The following SNX6 variants were observed in gnomAD, a reference collection of about 807,000 sequenced individuals.
The protein encoded by SNX6 is sorting nexin 6.
Under a neutral mutation model 63.0 loss-of-function variants are expected in SNX6, and 34 were observed. That is an observed-to-expected ratio of 0.54 (90% CI 0.41 to 0.72). The LOEUF is 0.72. Among genes scored for constraint, SNX6 ranks in the 30% least tolerant of loss-of-function variants. The pLI is 0.00. For synonymous variants in SNX6, 170 were observed against 164.2 expected (o/e 1.04, Z -0.27); for missense variants, 398 against 471.4 (o/e 0.84, Z 1.44).
intron 10 of SNX6, among the ~76,000 whole-genome samples, chr14:34,578,937 C>CAAAAAAAAAAAAAAAAAAAAAAA (rs71121210): frequency 1.3e-4 from 3 of 22,542 alleles, no homozygotes; most frequent in Non-Finnish European, 2.8e-4. Flanking sequence ...GACTTCATCT[C>CAAAAAAAAAAAAAAAAAAAAAAA]AAAAAAAAAA....
intron 2 of SNX6, among the ~76,000 whole-genome samples, chr14:34,620,911 C>A (rs189361762): frequency 6.6e-6 from 1 of 151,888 alleles, no homozygotes; most frequent in Non-Finnish European, 1.5e-5. Context: ...CACTGCACTC[C>A]AACCTGGGTG....
chr14:34,577,328 A>T (rs535450142), intron 10 of SNX6, among the ~76,000 whole-genome samples: 2 of 151,964 alleles, frequency 1.3e-5, no homozygotes, highest in African/African-American at 4.8e-5. Context: ...ACCTCAGGTG[A>T]CCCACCCACC....
At chr14:34,579,680 A>G (rs912963665) in intron 10 of SNX6, among the ~76,000 whole-genome samples, 7 of 152,094 alleles carry the variant, frequency 4.6e-5, no homozygotes, top group African/African-American at 1.2e-4. Context: ...AATGTTGAGT[A>G]CAAGAAACAG....
chr14:34,568,471 C>T (rs763357395), intron 11 of SNX6, among the ~76,000 whole-genome samples: 9 of 151,856 alleles, frequency 5.9e-5, no homozygotes, highest in Non-Finnish European at 1.2e-4. Context: ...CCTCGTGATC[C>T]ACCCGCCTCG....
chr14:34,578,817 T>C (rs1357801167), intron 10 of SNX6, among the ~76,000 whole-genome samples: 1 of 150,516 alleles, frequency 6.6e-6, no homozygotes, highest in Non-Finnish European at 1.5e-5. Context: ...CGTGCACCTG[T>C]AGTCCCAGCT....
At chr14:34,627,810 T>C (rs1165886383) in intron 2 of SNX6, among the ~76,000 whole-genome samples, 1 of 151,046 alleles carries the variant, frequency 6.6e-6, no homozygotes, top group Non-Finnish European at 1.5e-5. Flanking sequence ...TAGGTACAGA[T>C]GAGGTCTTGC....
At position 34,562,998 on chromosome 14, in the gene SNX6, T is replaced by G. The variant is rs558217858; in HGVS notation, c.*124A>C. On this transcript the variant is annotated 3_prime_UTR_variant, in exon 14 of 14. Coordinates refer to ENST00000362031, the MANE Select transcript of SNX6 (RefSeq NM_152233.4). ...TCCATGTTTCTCAGAAAAAGAGGAG[T>G]TGATGCACTTTTTCAGCTGCTTTTT... 1.3e-5 allele frequency: 12 copies of G among 917,590 alleles called. No homozygotes were observed. The highest frequency in any genetic ancestry group is 2.1e-5 in the Non-Finnish European group (12 of 582,954). 56.8% of individuals were successfully genotyped at this position (917,590 alleles called of 1,614,324 possible).
Position 34,609,691 on chromosome 14 carries a change from T to C in SNX6, c.106A>G (p.Ile36Val), listed in dbSNP as rs769251876. Residue 36 changes from isoleucine (I) to valine (V), a missense_variant, in exon 3 of 14, where the codon ATT becomes GTT. Ile to Val is a conservative substitution (Grantham distance 29). Coordinates refer to ENST00000362031, the MANE Select transcript of SNX6 (RefSeq NM_152233.4). ...TCCCGCTCACTAAGAGCATCAGAAA[T>C]GTCCACCTGCAGAGCAGCATCACTT... ...LQSDAALQVD[I>V]SDALSERDKV... The C allele has an allele frequency of 1.2e-6, 2 of 1,613,478 alleles. No homozygotes were observed. Among genetic ancestry groups the C allele is most frequent in the Admixed American group, 3.3e-5 (2 of 59,964 alleles).
chr14:34,612,998 G>A (rs1350331621), intron 2 of SNX6, among the ~76,000 whole-genome samples: 9 of 143,474 alleles, frequency 6.3e-5, no homozygotes, highest in Admixed American at 3.7e-4. Flanking sequence ...GCAGTGAGCC[G>A]AGATCACGCC....
At chr14:34,568,338 C>A (rs1740641153) in intron 11 of SNX6, among the ~76,000 whole-genome samples, 1 of 151,716 alleles carries the variant, frequency 6.6e-6, no homozygotes, top group Non-Finnish European at 1.5e-5. Context: ...TCAAGCAATT[C>A]TCCTGCCTCA....
chr14:34,582,457 G>T (rs993916768), intron 9 of SNX6, among the ~76,000 whole-genome samples: 1 of 151,098 alleles, frequency 6.6e-6, no homozygotes, highest in African/African-American at 2.4e-5. Context: ...TCTGCCCGCA[G>T]TGGCCTCCCA....
intron 6 of SNX6, among the ~76,000 whole-genome samples, chr14:34,601,350 C>T (rs1283378051): frequency 1.3e-5 from 2 of 151,840 alleles, no homozygotes; most frequent in South Asian, 2.1e-4. Context: ...CTCAGTCTCC[C>T]GAGTAGCTGG....
intron 2 of SNX6, among the ~76,000 whole-genome samples, chr14:34,626,278 T>A (rs1315052722): frequency 6.6e-6 from 1 of 152,082 alleles, no homozygotes; most frequent in African/African-American, 2.4e-5. Context: ...CATATTAAAA[T>A]TTTCATCTAC....
intron 9 of SNX6, among the ~76,000 whole-genome samples, chr14:34,584,979 A>C (rs1882095185): frequency 1.3e-5 from 2 of 151,966 alleles, no homozygotes; most frequent in Admixed American, 6.6e-5. Flanking sequence ...CAGCCTCCCA[A>C]GTAGCTGGGA....
chr14:34,600,369 C>G (rs920247992), intron 6 of SNX6, among the ~76,000 whole-genome samples: 2 of 151,828 alleles, frequency 1.3e-5, no homozygotes, highest in African/African-American at 4.8e-5. Context: ...CAAGTGAATA[C>G]CTTGCCTTGG....
intron 2 of SNX6, among the ~76,000 whole-genome samples, chr14:34,613,918 C>T (rs1883326343): frequency 1.3e-5 from 2 of 151,842 alleles, no homozygotes; most frequent in African/African-American, 4.8e-5. Flanking sequence ...ACCAATGTGG[C>T]CAAGATGGTG....
chr14:34,605,443 T>C, intron 5 of SNX6, 153 bp downstream of exon 5: 1 of 568,176 alleles, frequency 1.8e-6, no homozygotes, highest in South Asian at 2.4e-5. Context: ...ATCATGATCA[T>C]TAATACTGGT....
At chr14:34,594,528 A>AT (rs967956910) in intron 7 of SNX6, among the ~76,000 whole-genome samples, 7 of 151,718 alleles carry the variant, frequency 4.6e-5, no homozygotes, top group Non-Finnish European at 1.0e-4. Flanking sequence ...TAATTTTTGT[A>AT]TTTTTTATAG....
chr14:34,591,613 G>C (rs1203826590), intron 8 of SNX6, among the ~76,000 whole-genome samples: 4 of 152,046 alleles, frequency 2.6e-5, no homozygotes, highest in African/African-American at 9.7e-5. Context: ...AAAATTGCAA[G>C]TGCATGGCAG....
Sources: gnomAD v4.1 joint callset for allele counts (sites outside exome capture counted in the v4.1 genomes callset) on GRCh38, gnomAD v4.1.1 for gene constraint, MANE v1.5 for transcripts, NCBI Gene and HGNC (gene_info 2026-07-23, HGNC 2026-07-21) for gene names.